FYN: variants seen among roughly 807,000 people sequenced by gnomAD.
FYN encodes the protein FYN proto-oncogene, Src family tyrosine kinase.
A neutral mutation model predicts 70.2 loss-of-function variants in FYN; 10 were observed. That is an observed-to-expected ratio of 0.14 (90% CI 0.09 to 0.24). The LOEUF is 0.24. Among genes scored for constraint, FYN ranks in the 10% least tolerant of loss-of-function variants. The pLI is 1.00. For missense variants in FYN, 319 were observed against 673.1 expected, an observed-to-expected ratio of 0.47 and a Z score of 5.82; for synonymous variants, 236 against 248.6, an observed-to-expected ratio of 0.95 and a Z score of 0.48.
intron 2 of FYN, among the ~76,000 whole-genome samples, chr6:111,822,418 G>C (rs1314074094): frequency 6.6e-6 from 1 of 151,952 alleles, no homozygotes; most frequent in African/African-American, 2.4e-5. Context: ...CTTATAGGTG[G>C]GAATTGAACA....
At chr6:111,672,372 C>G (rs1273869939) in intron 13 of FYN, among the ~76,000 whole-genome samples, 1 of 152,262 alleles carries the variant, frequency 6.6e-6, no homozygotes, top group Non-Finnish European at 1.5e-5. Flanking sequence ...TCACAGCTCT[C>G]TCTGCAGGAG....
At chr6:111,799,476 A>G (rs1299008667) in intron 2 of FYN, among the ~76,000 whole-genome samples, 1 of 152,206 alleles carries the variant, frequency 6.6e-6, no homozygotes, top group African/African-American at 2.4e-5. Flanking sequence ...AAGTGTACCA[A>G]TACACTGACA....
chr6:111,690,982 T>C (rs1485048009), intron 12 of FYN, among the ~76,000 whole-genome samples: 1 of 152,202 alleles, frequency 6.6e-6, no homozygotes, highest in Non-Finnish European at 1.5e-5. Context: ...GTTGGCATTA[T>C]TTAGAGACTC....
chr6:111,843,880 C>T (rs1773438864), intron 2 of FYN, among the ~76,000 whole-genome samples: 1 of 152,118 alleles, frequency 6.6e-6, no homozygotes, highest in African/African-American at 2.4e-5. Flanking sequence ...CCCCATCCAG[C>T]CTGGGCCTTT....
intron 2 of FYN, among the ~76,000 whole-genome samples, chr6:111,797,665 C>CATATATATATAT (rs57984132): frequency 2.6e-4 from 24 of 90,912 alleles, no homozygotes; most frequent in Middle Eastern, 6.3e-3. Context: ...ATCAAAGTTT[C>CATATATATATAT]ATATATATAT....
At chr6:111,687,915 C>G (rs1799094742) in intron 12 of FYN, among the ~76,000 whole-genome samples, 1 of 152,056 alleles carries the variant, frequency 6.6e-6, no homozygotes, top group South Asian at 2.1e-4. Context: ...GGATTTATAC[C>G]AAGACACTTT....
In FYN at chr6:111,728,253, G is replaced by A. The variant is rs941536503; in HGVS notation, c.-11-8191C>T. On this transcript the variant is annotated intron_variant, in intron 3 of 13. Coordinates refer to ENST00000354650, the MANE Select transcript of FYN (RefSeq NM_002037.5). ...TTCAGAAAGAATTAGAGCACAGGTT[G>A]TAAAGTTTTTTCAGGCTCCACCCCC... Among the ~76,000 whole-genome samples, 4 of 152,166 alleles carry A rather than the reference G, an allele frequency of 2.6e-5. No homozygotes were observed. The East Asian group carries it at 7.7e-4, about 29-fold the overall frequency.
intron 13 of FYN, among the ~76,000 whole-genome samples, chr6:111,663,336 A>C (rs1797850978): frequency 6.6e-6 from 1 of 152,196 alleles, no homozygotes; most frequent in Non-Finnish European, 1.5e-5. Context: ...CTTCTAGGGG[A>C]GGTGGCGACC....
intron 12 of FYN, among the ~76,000 whole-genome samples, chr6:111,683,087 G>A (rs572042604): frequency 1.3e-5 from 2 of 152,354 alleles, no homozygotes; most frequent in Middle Eastern, 3.4e-3. Context: ...CCAGCACCCT[G>A]TGAGGCGCTC....
At chr6:111,673,671 AG>A (rs964304959) in intron 13 of FYN, among the ~76,000 whole-genome samples, 1 of 120,460 alleles carries the variant, frequency 8.3e-6, no homozygotes, top group African/African-American at 3.1e-5. Context: ...GCAGGGAATG[AG>A]GGGGAGCTAT....
rs185643354 is a variant in FYN, at chr6:111,716,683, G to A, written c.248-2240C>T. ...AAAAAAATTAGTTAAACATCATATAGTAGATAGCCATTAAATTATAAAAAA... is the reference window on the plus strand; with the variant it reads ...AAAAAAATTAGTTAAACATCATATAATAGATAGCCATTAAATTATAAAAAA... On this transcript the variant is annotated intron_variant, in intron 4 of 13. Transcript: ENST00000354650. Among the ~76,000 whole-genome samples the A allele has an allele frequency of 2.7e-3, 404 of 151,094 alleles. 2 individuals carry two copies. The highest frequency in any genetic ancestry group is 9.1e-3 in the African/African-American group (375 of 41,228).
At chr6:111,708,094 AGTGTATAACT>A in intron 5 of FYN, 74 bp from the exon 6 acceptor site, 1 of 1,106,438 alleles carries the variant, frequency 9.0e-7, no homozygotes, top group Non-Finnish European at 1.4e-6. Context: ...TGTGGTCTGA[AGTGTATAACT>A]GTCACCTAAT....
chr6:111,830,646 T>C (rs1409942944), intron 2 of FYN, among the ~76,000 whole-genome samples: 1 of 151,972 alleles, frequency 6.6e-6, no homozygotes, highest in East Asian at 1.9e-4. Flanking sequence ...GAATAAAAAG[T>C]TATCAATATA....
At chr6:111,781,039 T>G (rs1323838155) in intron 2 of FYN, 1 of 152,256 alleles carries the variant, frequency 6.6e-6, no homozygotes, top group Non-Finnish European at 1.5e-5. Context: ...TGTGAGACCC[T>G]GGACAGTTTT....
chr6:111,678,510 A>G (rs989545367), intron 12 of FYN, among the ~76,000 whole-genome samples: 1 of 152,160 alleles, frequency 6.6e-6, no homozygotes, highest in Non-Finnish European at 1.5e-5. Flanking sequence ...AATATCAGGG[A>G]TCTTATTCAA....
chr6:111,669,861 G>A (rs1798189540), intron 13 of FYN, among the ~76,000 whole-genome samples: 1 of 152,022 alleles, frequency 6.6e-6, no homozygotes, highest in Admixed American at 6.6e-5. Flanking sequence ...CTCTGAAGCT[G>A]CTGAGAAATA....
intron 2 of FYN, among the ~76,000 whole-genome samples, chr6:111,832,232 G>C (rs1773038250): frequency 6.6e-6 from 1 of 152,154 alleles, no homozygotes. Context: ...AGTGCTTCCA[G>C]GGATAGCGCC....
At chr6:111,805,859 GA>G (rs1562528097) in intron 2 of FYN, among the ~76,000 whole-genome samples, 1 of 151,890 alleles carries the variant, frequency 6.6e-6, no homozygotes, top group East Asian at 1.9e-4. Context: ...AGTTGAAGTG[GA>G]AAAAAAAGTA....
intron 3 of FYN, among the ~76,000 whole-genome samples, chr6:111,735,774 T>C (rs1009282164): frequency 4.6e-5 from 7 of 152,346 alleles, no homozygotes; most frequent in Admixed American, 3.9e-4. Context: ...CCATTCTAGC[T>C]ACCTGTCTAT....
Sources: gnomAD v4.1 joint callset for allele counts (sites outside exome capture counted in the v4.1 genomes callset) on GRCh38, gnomAD v4.1.1 for gene constraint, MANE v1.5 for transcripts, NCBI Gene and HGNC (gene_info 2026-07-23, HGNC 2026-07-21) for gene names.